The following GMNC variants were observed in gnomAD, a reference collection of about 807,000 sequenced individuals.
GMNC encodes geminin coiled-coil domain-containing protein 1.
A neutral mutation model predicts 33.6 loss-of-function variants in GMNC; 16 were observed. The ratio of observed to expected loss-of-function variants is 0.48; its 90% CI spans 0.32 to 0.72. The LOEUF is 0.72. Among genes scored for constraint, GMNC ranks in the 30% least tolerant of loss-of-function variants. GMNC has a pLI of 0.03. For missense variants in GMNC, 393 were observed against 388.9 expected (o/e 1.01, Z -0.09); for synonymous variants, 156 against 147.3 (o/e 1.06, Z -0.43).
rs1489273357 is a variant in GMNC, at chr3:190,861,496, A to ATCTG, written c.4-639_4-638insCAGA. Among the ~76,000 whole-genome samples the ATCTG allele has an allele frequency of 6.6e-6, 1 of 151,164 alleles. No homozygotes were observed. Among genetic ancestry groups the ATCTG allele is most frequent in the Non-Finnish European group, 1.5e-5 (1 of 67,816 alleles). ...TATCTATCTATCTATCTATCTATCT[A>ATCTG]TCTATCTATCTATCTCTGTCCCAGA... On this transcript the variant is annotated intron_variant, in intron 1 of 4. Coordinates refer to ENST00000442080, the MANE Select transcript of GMNC (RefSeq NM_001146686.3). This position sits in a 1 kb window ranked among gnomAD's most constrained non-coding sequence, Gnocchi z 5.1.
At chr3:190,843,821 G>C in the GMNC span, among the ~76,000 whole-genome samples, 1 of 152,054 alleles carries the variant, frequency 6.6e-6, no homozygotes, top group South Asian at 2.1e-4. Flanking sequence ...CACATTTCTT[G>C]ATAATGTTTC....
the GMNC span, among the ~76,000 whole-genome samples, chr3:190,844,544 AG>A: frequency 0.011 from 1,709 of 151,878 alleles, 28 homozygotes; most frequent in African/African-American, 0.037. Flanking sequence ...ATATGTTATT[AG>A]GGAATCCTTT....
Position 190,860,705 on chromosome 3 carries a change from G to A in GMNC, c.157C>T (p.Gln53Ter). 1 of 1,550,840 alleles carries A rather than the reference G, an allele frequency of 6.4e-7. No individual in the cohort carries two copies. The highest frequency in any genetic ancestry group is 8.7e-7 in the Non-Finnish European group (1 of 1,146,806). Residue 53 changes from glutamine (Q) to a stop codon, truncating the protein, a stop_gained, in exon 2 of 5, where the codon CAA (glutamine) becomes TAA (stop). Coordinates refer to ENST00000442080, the MANE Select transcript of GMNC (RefSeq NM_001146686.3). LOFTEE classifies it high-confidence loss of function. ...TTACCCTGTGCCTGTGGTGCTTGTT[G>A]GAGCTCTCTGTTGTCCAGGAGACCA... ...AAGLLDNREL[Q>*]QAPQAQESFS...
chr3:190,847,327 G>A, the GMNC span, among the ~76,000 whole-genome samples: 455 of 152,240 alleles, frequency 3.0e-3, 6 homozygotes, highest in African/African-American at 9.3e-3. Flanking sequence ...TGATATATTC[G>A]TGGGGTCCTT....
At chr3:190,860,600 A>G (rs1737839815) in intron 2 of GMNC, 84 bp downstream of exon 2, 3 of 1,178,236 alleles carry the variant, frequency 2.5e-6, no homozygotes, top group East Asian at 2.6e-5. Flanking sequence ...CCCTTATTCT[A>G]GAGTCCCAGC....
In GMNC at chr3:190,860,706, G is replaced by T; in HGVS notation, c.156C>A (p.Leu52=). The change falls in exon 2 of 5, where the codon CTC becomes CTA. Residue 52 remains leucine, a synonymous_variant. Transcript: ENST00000442080. ...WAAGLLDNRE[L]QQAPQAQESF... ...TACCCTGTGCCTGTGGTGCTTGTTG[G>T]AGCTCTCTGTTGTCCAGGAGACCAG... 6.4e-7 allele frequency: 1 copy of T among 1,550,878 alleles called. No homozygotes were observed.
rs1737679179 is a variant in GMNC at position 190,853,945 on chromosome 3, C to T, written c.*1350G>A. On this transcript the variant is annotated 3_prime_UTR_variant, in exon 5 of 5. Transcript: ENST00000442080. The stretch of plus-strand genomic sequence containing the variant: ...TATTTTTAGAGGCAAATTATTCTTA[C>T]ACAGTTACGCCGAGTTAACTGCAAA... The T allele has an allele frequency of 6.6e-6, 1 of 152,120 alleles. No individual in the cohort carries two copies. The highest frequency in any genetic ancestry group is 2.1e-4 in the South Asian group (1 of 4,810). 9.4% of individuals were successfully genotyped at this position (152,120 alleles called of 1,614,324 possible).
At chr3:190,850,406 G>A (rs1326696708), downstream of GMNC, among the ~76,000 whole-genome samples, 2 of 152,158 alleles carry the variant, frequency 1.3e-5, no homozygotes, top group African/African-American at 4.8e-5. Flanking sequence ...TGAAAAACCG[G>A]ACTGCTGGTT....
At chr3:190,845,881 A>G in the GMNC span, among the ~76,000 whole-genome samples, 2 of 152,192 alleles carry the variant, frequency 1.3e-5, no homozygotes, top group African/African-American at 2.4e-5. Flanking sequence ...GAAAACGTGT[A>G]GCCACAAGAA....
At chr3:190,847,913 T>C (rs1184956929), downstream of GMNC, among the ~76,000 whole-genome samples, 2 of 152,174 alleles carry the variant, frequency 1.3e-5, no homozygotes, top group East Asian at 1.9e-4. Context: ...GAATATCATG[T>C]TTAAAAAATG....
chr3:190,857,977 AC>A (rs2108532148), intron 3 of GMNC, 78 bp from the exon 4 acceptor site: 1 of 764,802 alleles, frequency 1.3e-6, no homozygotes, highest in East Asian at 2.7e-5. Flanking sequence ...CTGCTCCTTA[AC>A]TGCCTTAAAC....
chr3:190,850,598 G>T (rs1303814435), downstream of GMNC, among the ~76,000 whole-genome samples: 1 of 152,214 alleles, frequency 6.6e-6, no homozygotes, highest in Non-Finnish European at 1.5e-5. Context: ...CTGCCTGCAG[G>T]ACTCTTTGCT....
chr3:190,857,540 G>A lies in GMNC; in HGVS notation c.384+243C>T, dbSNP rs78468623. ...GATTGTCTCAGCAACCCCCACCCTC[G>A]ACTAGCATTTGATTTTTAAGCAACT... On this transcript the variant is annotated intron_variant, in intron 4 of 4. Coordinates refer to ENST00000442080, the MANE Select transcript of GMNC (RefSeq NM_001146686.3). Among the ~76,000 whole-genome samples the A allele has an allele frequency of 2.5e-3, 382 of 152,068 alleles. 13 individuals are homozygous for A. In the East Asian group the frequency reaches 0.064, roughly 25 times the overall value.
chr3:190,845,262 G>A, the GMNC span, among the ~76,000 whole-genome samples: 49 of 152,156 alleles, frequency 3.2e-4, no homozygotes, highest in East Asian at 2.3e-3. Flanking sequence ...TGGCAGATGC[G>A]TTAATATCAA....
chr3:190,855,456 A>G lies in GMNC; in HGVS notation c.844T>C (p.Tyr282His), dbSNP rs1471790756. ...TTGTTGGGTGACACATGAGCAGTAT[A>G]GTAAGGAAGAGTTTTCAGCCCCACT... ...PPVGLKTLPY[Y>H]TAHVSPNKTE... is the part of the protein sequence containing the mutation. The change falls in exon 5 of 5, where the codon TAT becomes CAT. Residue 282 changes from tyrosine to histidine, a missense_variant. Coordinates refer to ENST00000442080, the MANE Select transcript of GMNC (RefSeq NM_001146686.3). The G allele has an allele frequency of 1.9e-6, 3 of 1,551,948 alleles. No homozygotes were observed. Among genetic ancestry groups the G allele is most frequent in the Non-Finnish European group, 2.6e-6 (3 of 1,147,028 alleles).
At chr3:190,851,729 G>A (rs1489664655), downstream of GMNC, among the ~76,000 whole-genome samples, 2 of 151,880 alleles carry the variant, frequency 1.3e-5, no homozygotes, top group Non-Finnish European at 1.5e-5. Context: ...AGAATAAATG[G>A]GTACAGAAAA....
At position 190,861,472 on chromosome 3, in the gene GMNC, AT is replaced by A; in HGVS notation, c.4-615del. On this transcript the variant is annotated intron_variant, in intron 1 of 4. Transcript: ENST00000442080. This position sits in a 1 kb window ranked among gnomAD's most constrained non-coding sequence, Gnocchi z 5.1. ...CTGCCTATCATCTATCTATCTATCTATCTATCTATCTATCTATCTATCTATC... is the reference window on the plus strand; with the variant it reads ...CTGCCTATCATCTATCTATCTATCTACTATCTATCTATCTATCTATCTATC... Among the ~76,000 whole-genome samples the A allele has an allele frequency of 6.6e-6, 1 of 150,816 alleles. No individual in the cohort carries two copies. The highest frequency in any genetic ancestry group is 2.0e-4 in the East Asian group (1 of 5,050).
rs1737711388 is a variant in GMNC at position 190,855,435 on chromosome 3, T to C, written c.865A>G (p.Asn289Asp). Residue 289 changes from asparagine to aspartate, a missense_variant, in exon 5 of 5, where the codon AAC becomes GAC. Physicochemically the swap from Asn to Asp is conservative, Grantham distance 23. Coordinates refer to ENST00000442080, the MANE Select transcript of GMNC (RefSeq NM_001146686.3). Reference sequence around the variant, plus strand: ...GTGGAAAATGCCATCTCTGTCTTGTTGGGTGACACATGAGCAGTATAGTAA... The same window carrying C: ...GTGGAAAATGCCATCTCTGTCTTGTCGGGTGACACATGAGCAGTATAGTAA... The part of the protein sequence containing the change: ...LPYYTAHVSP[N>D]KTEMAFSTSL... 1.3e-6 allele frequency: 2 copies of C among 1,551,966 alleles called. No individual in the cohort carries two copies. The highest frequency in any genetic ancestry group is 8.7e-7 in the Non-Finnish European group (1 of 1,147,034).
downstream of GMNC, among the ~76,000 whole-genome samples, chr3:190,848,873 C>T (rs1737590594): frequency 6.6e-6 from 1 of 152,146 alleles, no homozygotes; most frequent in South Asian, 2.1e-4. Context: ...ATACTGCAGT[C>T]TTTCTTTGTT....
Sources: allele counts gnomAD v4.1 joint callset (sites outside exome capture counted in the v4.1 genomes callset), GRCh38; gene constraint gnomAD v4.1.1; non-coding constraint Gnocchi (gnomAD v3.1); transcripts MANE v1.5; gene names NCBI Gene and HGNC (gene_info 2026-07-23, HGNC 2026-07-21).